The following GRM8 variants were observed in gnomAD, a reference collection of about 807,000 sequenced individuals.
GRM8 encodes glutamate metabotropic receptor 8, also known as metabotropic glutamate receptor 8.
Under a neutral mutation model 87.2 loss-of-function variants are expected in GRM8, and 47 were observed. That is an observed-to-expected ratio of 0.54 (90% CI 0.43 to 0.69). GRM8 has a LOEUF of 0.69. GRM8 is among the 30% of genes least tolerant of loss of function. The probability of loss-of-function intolerance (pLI) is 0.00; values close to 1 mark genes in which losing one functional copy is unlikely to be tolerated. For synonymous variants in GRM8, 396 were observed against 404.5 expected (o/e 0.98, Z 0.25); for missense variants, 1,019 against 1,139.2 (o/e 0.89, Z 1.52).
intron 3 of GRM8, among the ~76,000 whole-genome samples, chr7:127,060,867 T>C (rs1820535796): frequency 6.6e-6 from 1 of 152,160 alleles, no homozygotes; most frequent in Non-Finnish European, 1.5e-5. Context: ...TCTTTTGTAG[T>C]AGAATAATCA....
intron 7 of GRM8, among the ~76,000 whole-genome samples, chr7:126,729,466 T>A (rs1183823627): frequency 2.0e-5 from 3 of 152,172 alleles, no homozygotes; most frequent in African/African-American, 7.2e-5. Flanking sequence ...GCAGCCAAAC[T>A]AAGACCCAGT....
rs185948665 is a variant in GRM8, at chr7:127,186,042, A to G, written c.510+56653T>C. On this transcript the variant is annotated intron_variant, in intron 2 of 10. Transcript: ENST00000339582. ...TGGAGAATACAGAATCATGATAAAT[A>G]TGCAATAACAGTATAAAACAAAAAG... 3.3e-3 allele frequency among the ~76,000 whole-genome samples: 509 copies of G among 152,320 alleles called. 2 individuals are homozygous for G. The highest frequency in any genetic ancestry group is 0.011 in the African/African-American group (474 of 41,584).
chr7:126,935,295 A>T (rs953664637), intron 3 of GRM8, among the ~76,000 whole-genome samples: 1 of 152,162 alleles, frequency 6.6e-6, no homozygotes, highest in Non-Finnish European at 1.5e-5. Flanking sequence ...AAAGACGCAA[A>T]AACAAGAGGG....
At chr7:126,670,830 A>G (rs1468617778) in intron 7 of GRM8, among the ~76,000 whole-genome samples, 1 of 152,206 alleles carries the variant, frequency 6.6e-6, no homozygotes, top group Non-Finnish European at 1.5e-5. Context: ...AAGGAAACTT[A>G]GTTTGAACTA....
intron 2 of GRM8, among the ~76,000 whole-genome samples, chr7:127,169,916 A>G (rs190052879): frequency 2.0e-5 from 3 of 152,340 alleles, no homozygotes; most frequent in Admixed American, 2.0e-4. Flanking sequence ...TTGTTCGTAG[A>G]CAATGTAACT....
chr7:126,856,178 A>AGAACAGGTC (rs1797667361), intron 6 of GRM8, among the ~76,000 whole-genome samples: 1 of 152,086 alleles, frequency 6.6e-6, no homozygotes, highest in Non-Finnish European at 1.5e-5. Context: ...TATATGCAAA[A>AGAACAGGTC]TGTTACAACT....
chr7:126,750,730 G>A (rs943863392), intron 7 of GRM8, among the ~76,000 whole-genome samples: 1 of 151,960 alleles, frequency 6.6e-6, no homozygotes, highest in African/African-American at 2.4e-5. Flanking sequence ...CACACTTAGA[G>A]AGAACTAGTC....
chr7:126,591,956 T>G (rs1796711829), intron 8 of GRM8, among the ~76,000 whole-genome samples: 1 of 151,502 alleles, frequency 6.6e-6, no homozygotes, highest in Non-Finnish European at 1.5e-5. Flanking sequence ...CAAAAGATTG[T>G]GAGGGTACAA....
intron 2 of GRM8, chr7:127,215,052 T>C (rs1796439887): frequency 6.6e-6 from 1 of 152,200 alleles, no homozygotes; most frequent in Non-Finnish European, 1.5e-5. Flanking sequence ...GCTTGTTTAC[T>C]CTGTGTAACT....
chr7:127,076,736 C>A (rs2132731238), intron 3 of GRM8, among the ~76,000 whole-genome samples: 1 of 152,276 alleles, frequency 6.6e-6, no homozygotes, highest in East Asian at 1.9e-4. Context: ...GTGTCCATTC[C>A]AAAACTGGCT....
In GRM8 at chr7:126,455,993, GA is replaced by G. The variant is rs201393605; in HGVS notation, c.2431-9622del. On this transcript the variant is annotated intron_variant, in intron 9 of 10. Coordinates refer to ENST00000339582, the MANE Select transcript of GRM8 (RefSeq NM_000845.3). The stretch of plus-strand genomic sequence containing the variant: ...ATTATTGTTATCTTAGAGAAGTTTT[GA>G]AAAAAAAATAACAAATCCATAAAAA... Among the ~76,000 whole-genome samples, 523 of 147,970 alleles carry G rather than the reference GA, an allele frequency of 3.5e-3. 5 individuals are homozygous for G. In the East Asian group the frequency reaches 0.037, roughly 11 times the overall value.
intron 3 of GRM8, among the ~76,000 whole-genome samples, chr7:127,008,556 T>A (rs1330095172): frequency 6.6e-6 from 1 of 152,170 alleles, no homozygotes; most frequent in Non-Finnish European, 1.5e-5. Flanking sequence ...GTGTTTTATG[T>A]TGAAATTTAA....
intron 6 of GRM8, among the ~76,000 whole-genome samples, chr7:126,826,230 T>A (rs10262625): frequency 0.61 from 91,697 of 151,464 alleles, 28,315 homozygotes; most frequent in Non-Finnish European, 0.66. Flanking sequence ...CTTTGGGTAT[T>A]TACCCAGTAA....
intron 3 of GRM8, among the ~76,000 whole-genome samples, chr7:126,911,589 A>G (rs1372160388): frequency 6.6e-6 from 1 of 152,190 alleles, no homozygotes; most frequent in Non-Finnish European, 1.5e-5. Context: ...ATAATGTTGG[A>G]CTCTCCTAGA....
At chr7:126,564,133 C>A (rs894443437) in intron 8 of GRM8, among the ~76,000 whole-genome samples, 4 of 152,230 alleles carry the variant, frequency 2.6e-5, no homozygotes, top group Non-Finnish European at 4.4e-5. Context: ...AGATGATGGG[C>A]AGGTGCCCTA....
intron 2 of GRM8, among the ~76,000 whole-genome samples, chr7:127,140,927 T>C (rs917532795): frequency 1.3e-5 from 2 of 152,178 alleles, no homozygotes; most frequent in African/African-American, 2.4e-5. Context: ...GGTCTCATGC[T>C]GTATGATCCT....
intron 8 of GRM8, among the ~76,000 whole-genome samples, chr7:126,608,663 C>G (rs1212196342): frequency 6.6e-6 from 1 of 152,036 alleles, no homozygotes; most frequent in Non-Finnish European, 1.5e-5. Context: ...GGTGTTGCAA[C>G]TGAAAGAGGC....
At chr7:127,172,350 C>T (rs1793856375) in intron 2 of GRM8, among the ~76,000 whole-genome samples, 1 of 152,014 alleles carries the variant, frequency 6.6e-6, no homozygotes, top group African/African-American at 2.4e-5. Context: ...ATGTACATAA[C>T]ATTTTTTATG....
intron 8 of GRM8, among the ~76,000 whole-genome samples, chr7:126,599,016 C>A (rs750641340): frequency 3.5e-4 from 53 of 152,210 alleles, no homozygotes; most frequent in Non-Finnish European, 7.1e-4. Context: ...TACTTAACAA[C>A]CTGCATTATG....
Sources: gnomAD v4.1 joint callset for allele counts (sites outside exome capture counted in the v4.1 genomes callset) on GRCh38, gnomAD v4.1.1 for gene constraint, MANE v1.5 for transcripts, NCBI Gene and HGNC (gene_info 2026-07-23, HGNC 2026-07-21) for gene names.